The following ZFHX3 variants were observed in gnomAD, a reference collection of about 807,000 sequenced individuals.
The protein encoded by ZFHX3 is zinc finger homeobox 3, also known as zinc finger homeobox protein 3.
In ZFHX3, 42 loss-of-function variants were observed where a neutral mutation model predicts 279.1. That is an observed-to-expected ratio of 0.15 (90% CI 0.12 to 0.19). The LOEUF (loss-of-function observed/expected upper bound fraction) is 0.19, where lower values mean the gene tolerates loss of function less well. Among genes scored for constraint, ZFHX3 ranks in the 10% least tolerant of loss-of-function variants. The probability of loss-of-function intolerance (pLI) is 1.00; values close to 1 mark genes in which losing one functional copy is unlikely to be tolerated. For synonymous variants in ZFHX3, 2,293 were observed against 1,957.8 expected, an observed-to-expected ratio of 1.17 and a Z score of -4.52; for missense variants, 4,981 against 4,754.0, an observed-to-expected ratio of 1.05 and a Z score of -1.40.
chr16:72,946,566 T>C (rs536553270), intron 3 of ZFHX3, among the ~76,000 whole-genome samples: 1 of 152,352 alleles, frequency 6.6e-6, no homozygotes, highest in South Asian at 2.1e-4. Context: ...CTGCCCTTTC[T>C]GTGCCCCGCC....
In ZFHX3 at chr16:73,275,410, C is replaced by G. The variant is rs372455768; in HGVS notation, c.-1193-18274G>C. ...ATCACTTGACGAAGCTTCGGGTGGTCATGACTGCTGGGGCTCAGGGGACAA... is the reference window on the plus strand; with the variant it reads ...ATCACTTGACGAAGCTTCGGGTGGTGATGACTGCTGGGGCTCAGGGGACAA... On this transcript the variant is annotated intron_variant, in intron 4 of 17. Transcript: ENST00000641206. 5.5e-5 allele frequency among the ~76,000 whole-genome samples: 8 copies of G among 145,002 alleles called. 1 individual carries two copies. Among genetic ancestry groups the G allele is most frequent in the East Asian group, 4.0e-4 (2 of 5,026 alleles).
chr16:73,264,292 C>T (rs1222281963), intron 4 of ZFHX3, among the ~76,000 whole-genome samples: 1 of 152,108 alleles, frequency 6.6e-6, no homozygotes, highest in Non-Finnish European at 1.5e-5. Context: ...TTCCTGTTCC[C>T]TCAAGGTATC....
At chr16:73,397,211 AG>A (rs1411192766) in intron 3 of ZFHX3, among the ~76,000 whole-genome samples, 3 of 152,242 alleles carry the variant, frequency 2.0e-5, no homozygotes, top group Non-Finnish European at 4.4e-5. Flanking sequence ...CTCTCTGAGG[AG>A]GTGACATTTA....
chr16:73,333,352 T>C (rs1251243679), intron 3 of ZFHX3, among the ~76,000 whole-genome samples: 4 of 152,064 alleles, frequency 2.6e-5, no homozygotes, highest in African/African-American at 4.8e-5. Flanking sequence ...CATAGATGGA[T>C]AGATACATAG....
rs371105945 is a variant in ZFHX3, at chr16:73,610,857, T to C, written c.-1547+69323A>G. 8.4e-4 allele frequency among the ~76,000 whole-genome samples: 128 copies of C among 152,326 alleles called. 2 individuals are homozygous for C. The highest frequency in any genetic ancestry group is 3.4e-3 in the Middle Eastern group (1 of 294). Reference sequence around the variant, plus strand: ...ATACATAGATTCTAAATTCAAAGGATTGTCAAAAGCCAGGGGCTTGGGAAG... The same window carrying C: ...ATACATAGATTCTAAATTCAAAGGACTGTCAAAAGCCAGGGGCTTGGGAAG... On this transcript the variant is annotated intron_variant, in intron 2 of 17. Transcript: ENST00000641206.
intron 1 of ZFHX3, among the ~76,000 whole-genome samples, chr16:73,849,626 T>C (rs558221170): frequency 2.0e-5 from 3 of 152,368 alleles, no homozygotes; most frequent in Admixed American, 6.5e-5. Flanking sequence ...TATGTTCCAC[T>C]AGCCAGTCCA....
chr16:73,187,959 T>C (rs572604935), intron 5 of ZFHX3, among the ~76,000 whole-genome samples: 1 of 151,980 alleles, frequency 6.6e-6, no homozygotes, highest in East Asian at 2.0e-4. Context: ...CCCAGGTTCA[T>C]GCCATTCTCC....
rs2035846574 is a variant in ZFHX3, at chr16:72,794,938, G to A, written c.7744C>T (p.Pro2582Ser). Residue 2582 changes from proline to serine, a missense_variant, in exon 9 of 10, where the codon CCA becomes TCA. Physicochemically the swap from Pro to Ser is moderately conservative, Grantham distance 74. Coordinates refer to ENST00000268489, the MANE Select transcript of ZFHX3 (RefSeq NM_006885.4). This position sits in a 1 kb window ranked among gnomAD's most constrained non-coding sequence, Gnocchi z 4.2. ...MPFMLFDPSN[P>S]LLASQLLSGA... ...GAGAGCAGCTGGCTGGCCAGGAGTG[G>A]GTTACTGGGATCAAAGAGCATGAAA... The A allele has an allele frequency of 6.2e-7, 1 of 1,614,122 alleles. No homozygotes were observed. Among genetic ancestry groups the A allele is most frequent in the Non-Finnish European group, 8.5e-7 (1 of 1,180,030 alleles).
rs184081741 is a variant in ZFHX3, at chr16:72,982,757, T to C, written c.-49-22563A>G. ...AGGATCTTTGGCCCATAAAAAAGTT[T>C]AAGATCTGAGGAGTAGCCTGGGTGC... On this transcript the variant is annotated intron_variant, in intron 1 of 9. Coordinates refer to ENST00000268489, the MANE Select transcript of ZFHX3 (RefSeq NM_006885.4). Among the ~76,000 whole-genome samples the C allele has an allele frequency of 2.1e-3, 326 of 152,322 alleles. 1 individual carries two copies. Among genetic ancestry groups the C allele is most frequent in the African/African-American group, 7.5e-3 (312 of 41,576 alleles).
At chr16:73,327,191 T>A (rs1005214955) in intron 3 of ZFHX3, among the ~76,000 whole-genome samples, 1 of 152,174 alleles carries the variant, frequency 6.6e-6, no homozygotes, top group Non-Finnish European at 1.5e-5. Flanking sequence ...TGTTCTTGAG[T>A]TCTGTGTATG....
intron 3 of ZFHX3, among the ~76,000 whole-genome samples, chr16:73,324,028 T>C (rs1176849558): frequency 6.6e-6 from 1 of 152,132 alleles, no homozygotes; most frequent in Non-Finnish European, 1.5e-5. Context: ...CCCGAGTGTA[T>C]GGTAGAGGCC....
chr16:72,878,713 T>G (rs1282892661), intron 4 of ZFHX3, among the ~76,000 whole-genome samples: 1 of 152,090 alleles, frequency 6.6e-6, no homozygotes, highest in East Asian at 1.9e-4. Flanking sequence ...CGTGGATGAG[T>G]TTGTCAGCCT....
At chr16:73,046,346 A>C (rs1266642255) in intron 1 of ZFHX3, among the ~76,000 whole-genome samples, 3 of 152,206 alleles carry the variant, frequency 2.0e-5, no homozygotes, top group African/African-American at 7.2e-5. Flanking sequence ...GGCTGTTCTG[A>C]TAACAAGGAG....
chr16:73,059,332 AACAC>A (rs71391480), exon 1 of ZFHX3: 5,711 of 146,100 alleles, frequency 0.039, 106 homozygotes, highest in East Asian at 0.057. Flanking sequence ...ATGTATTAAA[AACAC>A]ACACACACAC....
chr16:73,542,152 A>T (rs2020027833), intron 2 of ZFHX3, among the ~76,000 whole-genome samples: 1 of 151,918 alleles, frequency 6.6e-6, no homozygotes, highest in Admixed American at 6.6e-5. Context: ...TCCCTTAGTG[A>T]TGTCAAATCC....
chr16:73,436,600 A>T (rs1338630666), intron 3 of ZFHX3, among the ~76,000 whole-genome samples: 2 of 152,174 alleles, frequency 1.3e-5, no homozygotes, highest in Non-Finnish European at 2.9e-5. Flanking sequence ...ATTTAGGTGC[A>T]GACACAGCCA....
At chr16:73,041,047 C>T (rs1211450020) in intron 1 of ZFHX3, among the ~76,000 whole-genome samples, 3 of 152,166 alleles carry the variant, frequency 2.0e-5, no homozygotes, top group African/African-American at 7.2e-5. Context: ...TTTTGATTCA[C>T]CTTTGCTTCT....
chr16:73,432,343 G>T (rs1313415758), intron 3 of ZFHX3, among the ~76,000 whole-genome samples: 1 of 152,138 alleles, frequency 6.6e-6, no homozygotes, highest in East Asian at 1.9e-4. Flanking sequence ...GCTGGAGTTA[G>T]CATATAACTC....
chr16:73,721,594 C>G (rs1229381204), intron 1 of ZFHX3, among the ~76,000 whole-genome samples: 2 of 152,218 alleles, frequency 1.3e-5, no homozygotes, highest in African/African-American at 4.8e-5. Context: ...AACCGGCATG[C>G]CCACCCATGC....
Sources: gnomAD v4.1 joint callset for allele counts (sites outside exome capture counted in the v4.1 genomes callset) on GRCh38, gnomAD v4.1.1 for gene constraint, Gnocchi (gnomAD v3.1) non-coding constraint, MANE v1.5 for transcripts, NCBI Gene and HGNC (gene_info 2026-07-23, HGNC 2026-07-21) for gene names.